The following NLGN1 variants were observed in gnomAD, a reference collection of about 807,000 sequenced individuals.
NLGN1 encodes the protein neuroligin 1.
In NLGN1, 12 loss-of-function variants were observed where a neutral mutation model predicts 65.5. The observed-to-expected ratio is 0.18, with a 90% CI of 0.12 to 0.30. The LOEUF is 0.30. Ranked by LOEUF, NLGN1 falls within the 10% of genes least tolerant of loss-of-function variation. The pLI is 1.00. For synonymous variants in NLGN1, 350 were observed against 359.5 expected (o/e 0.97, Z 0.30); for missense variants, 750 against 1,007.1 (o/e 0.74, Z 3.46).
chr3:174,137,222 G>T (rs143313044), intron 4 of NLGN1, among the ~76,000 whole-genome samples: 2,806 of 152,122 alleles, frequency 0.018, 44 homozygotes, highest in Non-Finnish European at 0.029. Flanking sequence ...TATTTTCTTG[G>T]ATATTTCCTG....
rs79383894 is a variant in NLGN1, at chr3:173,935,167, T to C, written c.646+127335T>C. Among the ~76,000 whole-genome samples, 150 of 152,066 alleles carry C rather than the reference T, an allele frequency of 9.9e-4. 2 individuals carry two copies. The East Asian group carries it at 0.024, about 25-fold the overall frequency. On this transcript the variant is annotated intron_variant, in intron 4 of 6. Coordinates refer to ENST00000457714, the Ensembl canonical transcript of NLGN1. ...ATTCCCACTGCCTTAGTTCAGGCCCTCATCATTTTGCATCAAATCCAACCT... is the reference window on the plus strand; with the variant it reads ...ATTCCCACTGCCTTAGTTCAGGCCCCCATCATTTTGCATCAAATCCAACCT...
chr3:174,131,148 A>G (rs553549798), intron 4 of NLGN1, among the ~76,000 whole-genome samples: 2 of 152,310 alleles, frequency 1.3e-5, no homozygotes, highest in East Asian at 1.9e-4. Context: ...TGCAGATACT[A>G]TGATGCCCTT....
intron 2 of NLGN1, among the ~76,000 whole-genome samples, chr3:173,548,239 A>G (rs1178145176): frequency 2.6e-5 from 4 of 152,126 alleles, no homozygotes; most frequent in African/African-American, 7.2e-5. Context: ...GGGGCTGTAA[A>G]TCTATTGTGC....
chr3:173,592,564 T>TC (rs1748714028), intron 2 of NLGN1, among the ~76,000 whole-genome samples: 1 of 152,044 alleles, frequency 6.6e-6, no homozygotes, highest in Non-Finnish European at 1.5e-5. Context: ...CTATGTTTCG[T>TC]CCCCCCTGGC....
At chr3:174,191,002 CGTGTGT>C (rs148498871) in intron 4 of NLGN1, among the ~76,000 whole-genome samples, 4 of 150,512 alleles carry the variant, frequency 2.7e-5, no homozygotes, top group South Asian at 2.1e-4. Context: ...GTAGTGTGTG[CGTGTGT>C]GTGTGTGTGC....
chr3:174,248,830 A>G (rs1744269435), intron 4 of NLGN1, among the ~76,000 whole-genome samples: 1 of 152,196 alleles, frequency 6.6e-6, no homozygotes, highest in African/African-American at 2.4e-5. Flanking sequence ...AATAAAGACT[A>G]TATAGTATAG....
chr3:173,693,892 T>G (rs1009837651), intron 3 of NLGN1, among the ~76,000 whole-genome samples: 33 of 152,266 alleles, frequency 2.2e-4, no homozygotes, highest in Admixed American at 1.8e-3. Flanking sequence ...GTTTATAAAC[T>G]ATTAATACAC....
intron 4 of NLGN1, among the ~76,000 whole-genome samples, chr3:173,864,133 C>A (rs1163873416): frequency 1.3e-5 from 2 of 152,142 alleles, no homozygotes; most frequent in East Asian, 3.9e-4. Flanking sequence ...TGTTTAAATG[C>A]AAGAATTTAG....
At chr3:173,448,914 T>A (rs1237840334) in intron 2 of NLGN1, among the ~76,000 whole-genome samples, 2 of 152,212 alleles carry the variant, frequency 1.3e-5, no homozygotes, top group Admixed American at 6.5e-5. Context: ...TGACATCCCC[T>A]TTTTCATTTT....
At chr3:174,074,931 TA>T (rs1418303394) in intron 4 of NLGN1, among the ~76,000 whole-genome samples, 1 of 152,182 alleles carries the variant, frequency 6.6e-6, no homozygotes, top group Non-Finnish European at 1.5e-5. Flanking sequence ...TGATTGCTAG[TA>T]TATAACAGAC....
intron 3 of NLGN1, among the ~76,000 whole-genome samples, chr3:173,765,538 C>T (rs1189368227): frequency 2.6e-5 from 4 of 152,126 alleles, no homozygotes; most frequent in Non-Finnish European, 5.9e-5. Flanking sequence ...TCAGTAACAG[C>T]TTCCTCAGTA....
intron 4 of NLGN1, among the ~76,000 whole-genome samples, chr3:173,845,916 A>C (rs1578757313): frequency 1.3e-5 from 2 of 152,074 alleles, no homozygotes; most frequent in Admixed American, 1.3e-4. Flanking sequence ...CTTTGTACTT[A>C]TTTATGTGTT....
chr3:173,785,747 A>G lies in NLGN1; in HGVS notation c.494-21933A>G, dbSNP rs571153404. 2.6e-3 allele frequency among the ~76,000 whole-genome samples: 389 copies of G among 152,224 alleles called. 3 individuals carry two copies. Among genetic ancestry groups the G allele is most frequent in the Non-Finnish European group, 4.0e-3 (269 of 67,988 alleles). ...TATGTATAATCTCTCATCTATTTAC[A>G]GTATTCTTACAAAATAAAGCTTTGT... On this transcript the variant is annotated intron_variant, in intron 3 of 6. Coordinates refer to ENST00000457714, the Ensembl canonical transcript of NLGN1.
intron 2 of NLGN1, among the ~76,000 whole-genome samples, chr3:173,600,696 T>A (rs1244406787): frequency 6.6e-6 from 1 of 151,260 alleles, no homozygotes; most frequent in Non-Finnish European, 1.5e-5. Context: ...TGAACACATG[T>A]CACATTTCAT....
At chr3:173,906,446 G>A (rs1298635622) in intron 4 of NLGN1, among the ~76,000 whole-genome samples, 1 of 152,004 alleles carries the variant, frequency 6.6e-6, no homozygotes, top group Admixed American at 6.6e-5. Context: ...CCTACTTTGG[G>A]ATAGTCTCTA....
At chr3:173,539,569 CAT>C (rs749529783) in intron 2 of NLGN1, among the ~76,000 whole-genome samples, 92 of 136,290 alleles carry the variant, frequency 6.8e-4, no homozygotes, top group South Asian at 3.1e-3. Context: ...ATATATATAA[CAT>C]ATATGTTATG....
chr3:173,461,295 A>G (rs1723338333), intron 2 of NLGN1, among the ~76,000 whole-genome samples: 1 of 152,164 alleles, frequency 6.6e-6, no homozygotes, highest in Non-Finnish European at 1.5e-5. Context: ...ACATGTGGTT[A>G]TCCAATCCCC....
At chr3:173,589,205 G>A (rs1748021697) in intron 2 of NLGN1, among the ~76,000 whole-genome samples, 1 of 152,186 alleles carries the variant, frequency 6.6e-6, no homozygotes, top group Admixed American at 6.5e-5. Flanking sequence ...CTCCTGGTTT[G>A]TATAGAAATT....
chr3:173,568,326 T>C (rs1744053213), intron 2 of NLGN1, among the ~76,000 whole-genome samples: 2 of 151,490 alleles, frequency 1.3e-5, no homozygotes, highest in Admixed American at 1.3e-4. Flanking sequence ...TTTCGCCTCC[T>C]GGGCTCTGGC....
Sources: allele counts gnomAD v4.1 joint callset (sites outside exome capture counted in the v4.1 genomes callset), GRCh38; gene constraint gnomAD v4.1.1; transcripts MANE v1.5; gene names NCBI Gene and HGNC (gene_info 2026-07-23, HGNC 2026-07-21).